DNAL1: variants seen among roughly 807,000 people sequenced by gnomAD.
DNAL1 encodes chromosome 14 open reading frame 168.
DNAL1 carries 17 observed loss-of-function variants against 29.4 expected under a neutral mutation model. That is an observed-to-expected ratio of 0.58 (90% CI 0.40 to 0.87). The LOEUF (loss-of-function observed/expected upper bound fraction) is 0.87. Among genes scored for constraint, DNAL1 ranks in the 40% least tolerant of loss-of-function variants. DNAL1 has a pLI of 0.00. For synonymous variants in DNAL1, 78 were observed against 76.3 expected, an observed-to-expected ratio of 1.02 and a Z score of -0.12; for missense variants, 188 against 214.1, an observed-to-expected ratio of 0.88 and a Z score of 0.76.
intron 5 of DNAL1, among the ~76,000 whole-genome samples, chr14:73,674,015 A>G (rs1159676874): frequency 6.6e-6 from 1 of 151,800 alleles, no homozygotes; most frequent in African/African-American, 2.4e-5. Flanking sequence ...TAGCTGTCTC[A>G]GTAAATTAAA....
At chr14:73,674,219 T>C (rs1363513815) in intron 5 of DNAL1, among the ~76,000 whole-genome samples, 2 of 152,222 alleles carry the variant, frequency 1.3e-5, no homozygotes, top group Non-Finnish European at 1.5e-5. Context: ...GCCTTCTTTC[T>C]GTTCCTTGAC....
rs964432897 is a variant in DNAL1, at chr14:73,702,134, A to G, written c.*6192A>G. 6.7e-6 allele frequency: 1 copy of G among 149,886 alleles called. No individual in the cohort carries two copies. Among genetic ancestry groups the G allele is most frequent in the African/African-American group, 2.5e-5 (1 of 40,622 alleles). The allele number at this position is 149,886 out of a possible 1,614,324, so 9.3% of individuals were successfully genotyped here. A position where few individuals can be genotyped will look rare whatever the true frequency, so the allele number is the denominator to read the frequency against. On this transcript the variant is annotated 3_prime_UTR_variant, in exon 8 of 8. Transcript: ENST00000553645. The stretch of plus-strand genomic sequence containing the variant: ...GTGCATGAGAGAGAGTGAAAGAGAG[A>G]GGTGTTTTTTGTTTTGTTTTTTTTG...
At chr14:73,671,170 GTTC>G (rs746612244) in intron 4 of DNAL1, among the ~76,000 whole-genome samples, 40 of 152,010 alleles carry the variant, frequency 2.6e-4, no homozygotes, top group South Asian at 8.3e-4. Flanking sequence ...ATAAATATAT[GTTC>G]TTATTTTCTA....
chr14:73,681,669 T>A (rs1386997898), intron 5 of DNAL1, among the ~76,000 whole-genome samples: 1 of 133,642 alleles, frequency 7.5e-6, no homozygotes, highest in African/African-American at 3.0e-5. Flanking sequence ...TTGGGTGTGG[T>A]GATGCACACT....
At chr14:73,687,797 C>T (rs1284366611) in intron 6 of DNAL1, among the ~76,000 whole-genome samples, 5 of 151,992 alleles carry the variant, frequency 3.3e-5, no homozygotes, top group Non-Finnish European at 5.9e-5. Flanking sequence ...GGCGTGAACC[C>T]GGGAGGCGGA....
chr14:73,660,546 A>G (rs916061797), intron 3 of DNAL1, among the ~76,000 whole-genome samples: 1 of 152,190 alleles, frequency 6.6e-6, no homozygotes, highest in Admixed American at 6.5e-5. Flanking sequence ...TGCTGATGAA[A>G]CCTAGGAATC....
At chr14:73,684,990 C>T (rs1891982246) in intron 5 of DNAL1, among the ~76,000 whole-genome samples, 1 of 152,186 alleles carries the variant, frequency 6.6e-6, no homozygotes, top group South Asian at 2.1e-4. Context: ...ACAGAGTAGA[C>T]ATTTACTTTT....
chr14:73,653,011 T>C (rs75122484), intron 1 of DNAL1, among the ~76,000 whole-genome samples: 2,257 of 152,328 alleles, frequency 0.015, 46 homozygotes, highest in South Asian at 0.11. Flanking sequence ...ACAGTTTGCA[T>C]ATGGCTAGAT....
At chr14:73,677,879 TATA>T (rs1566887404) in intron 5 of DNAL1, among the ~76,000 whole-genome samples, 4 of 107,848 alleles carry the variant, frequency 3.7e-5, no homozygotes, top group African/African-American at 1.5e-4. Flanking sequence ...TATATATATA[TATA>T]TTTGTGTGTG....
rs1483169838 is a variant in DNAL1 at position 73,687,396 on chromosome 14, A to G, written c.391+11A>G. ...TGGTAAAAGACTGGGGTAAGCTGAG[A>G]GTGGCCCTTTGCTAACCTTCTACCG... On this transcript the variant is annotated intron_variant, in intron 6 of 7. Transcript: ENST00000553645. 2.5e-6 allele frequency: 4 copies of G among 1,577,334 alleles called. No homozygotes were observed. The South Asian group carries it at 3.6e-5, about 14-fold the overall frequency.
At chr14:73,680,279 T>G (rs965468888) in intron 5 of DNAL1, among the ~76,000 whole-genome samples, 1 of 152,166 alleles carries the variant, frequency 6.6e-6, no homozygotes, top group African/African-American at 2.4e-5. Context: ...GACGGACACT[T>G]AGGTTGTTGC....
At chr14:73,653,629 A>T (rs1421593649) in intron 1 of DNAL1, among the ~76,000 whole-genome samples, 2 of 152,158 alleles carry the variant, frequency 1.3e-5, no homozygotes, top group African/African-American at 2.4e-5. Context: ...AAGTGCTGGG[A>T]TTACAGATGT....
rs535885451 is a variant in DNAL1 at position 73,687,344 on chromosome 14, T to C, written c.350T>C (p.Leu117Ser). 1.2e-6 allele frequency: 2 copies of C among 1,611,772 alleles called. No individual in the cohort carries two copies. The highest frequency in any genetic ancestry group is 1.7e-6 in the Non-Finnish European group (2 of 1,178,938). Reference sequence around the variant, plus strand: ...AAAGGGATCCACATAATGAAGAAATTGAAGATTCTCTACATGTCTAATAAC... The same window carrying C: ...AAAGGGATCCACATAATGAAGAAATCGAAGATTCTCTACATGTCTAATAAC... ...KLKGIHIMKK[L>S]KILYMSNNLV... Residue 117 changes from leucine to serine, a missense_variant, in exon 6 of 8, where the codon TTG (leucine) becomes TCG (serine). Physicochemically the swap from Leu to Ser is moderately radical, Grantham distance 145. Coordinates refer to ENST00000553645, the MANE Select transcript of DNAL1 (RefSeq NM_031427.4).
At chr14:73,686,979 T>C (rs1409433308) in intron 5 of DNAL1, among the ~76,000 whole-genome samples, 1 of 151,870 alleles carries the variant, frequency 6.6e-6, no homozygotes, top group Non-Finnish European at 1.5e-5. Context: ...CTCTTGGTGA[T>C]TTCAGTATTA....
In DNAL1 at chr14:73,687,378, A is replaced by G; in HGVS notation, c.384A>G (p.Lys128=). The G allele has an allele frequency of 6.3e-7, 1 of 1,599,340 alleles. No homozygotes were observed. Among genetic ancestry groups the G allele is most frequent in the Non-Finnish European group, 8.5e-7 (1 of 1,172,896 alleles). The stretch of plus-strand genomic sequence containing the variant: ...TCTACATGTCTAATAACCTGGTAAA[A>G]GACTGGGGTAAGCTGAGAGTGGCCC... ...KILYMSNNLV[K]DWAEFVKLAE... Residue 128 remains lysine (K), a synonymous_variant, in exon 6 of 8, where the codon AAA becomes AAG. Coordinates refer to ENST00000553645, the MANE Select transcript of DNAL1 (RefSeq NM_031427.4).
chr14:73,665,308 T>A (rs1478975251), intron 4 of DNAL1, among the ~76,000 whole-genome samples: 1 of 152,162 alleles, frequency 6.6e-6, no homozygotes, highest in Non-Finnish European at 1.5e-5. Flanking sequence ...GAGATGCCTG[T>A]CTATTCTAAT....
At chr14:73,646,806 C>G (rs1890986187) in intron 1 of DNAL1, among the ~76,000 whole-genome samples, 1 of 152,028 alleles carries the variant, frequency 6.6e-6, no homozygotes, top group African/African-American at 2.4e-5. Context: ...GTATTACAAT[C>G]TTATGTAACC....
At chr14:73,684,012 C>A (rs1415257829) in intron 5 of DNAL1, among the ~76,000 whole-genome samples, 1 of 152,122 alleles carries the variant, frequency 6.6e-6, no homozygotes, top group Non-Finnish European at 1.5e-5. Flanking sequence ...TGGCCGAGAT[C>A]AACTTTTTTA....
intron 1 of DNAL1, among the ~76,000 whole-genome samples, chr14:73,653,886 A>G (rs959477271): frequency 2.6e-5 from 4 of 152,224 alleles, no homozygotes; most frequent in Non-Finnish European, 5.9e-5. Flanking sequence ...TATTAATTAT[A>G]AGATGCAACA....
Sources: gnomAD v4.1 joint callset for allele counts (sites outside exome capture counted in the v4.1 genomes callset) on GRCh38, gnomAD v4.1.1 for gene constraint, MANE v1.5 for transcripts, NCBI Gene and HGNC (gene_info 2026-07-23, HGNC 2026-07-21) for gene names.